PRKN: variants seen among roughly 807,000 people sequenced by gnomAD.
PRKN encodes the protein parkin RBR E3 ubiquitin protein ligase.
In PRKN, 56 loss-of-function variants were observed where a neutral mutation model predicts 59.5. That is an observed-to-expected ratio of 0.94 (90% confidence interval 0.76 to 1.18). The LOEUF is 1.18. PRKN is among the 50% of genes most tolerant of loss of function. PRKN has a pLI of 0.00. For missense variants in PRKN, 657 were observed against 596.4 expected, an observed-to-expected ratio of 1.10 and a Z score of -1.06; for synonymous variants, 250 against 222.1, an observed-to-expected ratio of 1.13 and a Z score of -1.12.
chr6:162,487,198 G>A lies in PRKN; in HGVS notation c.8-43725C>T, dbSNP rs1440645067. Among the ~76,000 whole-genome samples, 5 of 152,198 alleles carry A rather than the reference G, an allele frequency of 3.3e-5. No individual in the cohort carries two copies. The East Asian group carries it at 7.7e-4, about 23-fold the overall frequency. On this transcript the variant is annotated intron_variant, in intron 1 of 11. Transcript: ENST00000366898. Reference sequence around the variant, plus strand: ...TGAACTCTACCTCCTTGACCACCCAGTGTCTAAAGGGTTATTCCTGGGGTC... The same window carrying A: ...TGAACTCTACCTCCTTGACCACCCAATGTCTAAAGGGTTATTCCTGGGGTC...
chr6:162,537,184 C>T (rs369136214), intron 1 of PRKN, among the ~76,000 whole-genome samples: 259 of 152,212 alleles, frequency 1.7e-3, no homozygotes, highest in African/African-American at 6.0e-3. Context: ...GCTTTCAAAA[C>T]TATTAAACAG....
intron 7 of PRKN, among the ~76,000 whole-genome samples, chr6:161,591,695 G>A (rs1272187968): frequency 3.3e-5 from 5 of 152,188 alleles, no homozygotes; most frequent in African/African-American, 1.2e-4. Flanking sequence ...TAATTGAATA[G>A]TGTTATGAAT....
chr6:162,643,488 C>T (rs928411793), intron 1 of PRKN, among the ~76,000 whole-genome samples: 1 of 151,238 alleles, frequency 6.6e-6, no homozygotes, highest in Admixed American at 6.6e-5. Flanking sequence ...TTTAAATTTA[C>T]CTAGAAATTA....
intron 2 of PRKN, among the ~76,000 whole-genome samples, chr6:162,411,039 T>TA (rs1788331299): frequency 6.6e-6 from 1 of 152,222 alleles, no homozygotes; most frequent in Admixed American, 6.5e-5. Context: ...AACATATTCA[T>TA]ATAGTCCTTT....
At position 161,372,763 on chromosome 6, in the gene PRKN, C is replaced by T. The variant is rs563087859; in HGVS notation, c.1168-12558G>A. On this transcript the variant is annotated intron_variant, in intron 10 of 11. Coordinates refer to ENST00000366898, the MANE Select transcript of PRKN (RefSeq NM_004562.3). This position sits in a 1 kb window ranked among gnomAD's most constrained non-coding sequence, Gnocchi z 4.2. ...CCGATGTCGCTAGCCTGCAGAGCTT[C>T]GGAGAACTACTGCTCGCAGAAGGTC... Among the ~76,000 whole-genome samples, 1 of 151,584 alleles carries T rather than the reference C, an allele frequency of 6.6e-6. No homozygotes were observed. The highest frequency in any genetic ancestry group is 2.4e-5 in the African/African-American group (1 of 41,294).
intron 4 of PRKN, among the ~76,000 whole-genome samples, chr6:162,161,697 C>G (rs1158940884): frequency 6.6e-6 from 1 of 152,118 alleles, no homozygotes; most frequent in Non-Finnish European, 1.5e-5. Flanking sequence ...GCAGATAATC[C>G]TCCTTCTGAC....
intron 2 of PRKN, among the ~76,000 whole-genome samples, chr6:162,420,701 G>A (rs1788917272): frequency 1.3e-5 from 2 of 152,172 alleles, no homozygotes; most frequent in Admixed American, 1.3e-4. Context: ...GATGAATGAA[G>A]GACTTGTAGC....
chr6:162,010,533 ATATAATG>A (rs1395955094), intron 5 of PRKN, among the ~76,000 whole-genome samples: 3 of 25,262 alleles, frequency 1.2e-4, no homozygotes, highest in African/African-American at 9.8e-4. Flanking sequence ...ATAATATATT[ATATAATG>A]TATTATATTA....
In PRKN at chr6:161,603,133, G is replaced by A. The variant is rs575531031; in HGVS notation, c.872-33717C>T. On this transcript the variant is annotated intron_variant, in intron 7 of 11. Coordinates refer to ENST00000366898, the MANE Select transcript of PRKN (RefSeq NM_004562.3). ...CACATTCATAAGCGTAGCAGCAACAGTGCTAAATTGCCGATTTTTTTTTGG... is the reference window on the plus strand; with the variant it reads ...CACATTCATAAGCGTAGCAGCAACAATGCTAAATTGCCGATTTTTTTTTGG... Among the ~76,000 whole-genome samples, 4 of 152,292 alleles carry A rather than the reference G, an allele frequency of 2.6e-5. No individual in the cohort carries two copies. In the South Asian group the frequency reaches 6.2e-4, roughly 24 times the overall value.
At chr6:161,814,386 T>TAA (rs1791681811) in intron 6 of PRKN, among the ~76,000 whole-genome samples, 1 of 152,218 alleles carries the variant, frequency 6.6e-6, no homozygotes, top group Non-Finnish European at 1.5e-5. Context: ...ATGTTGCTAA[T>TAA]AAAGACTCAC....
At chr6:161,943,273 C>T (rs1583382369) in intron 6 of PRKN, among the ~76,000 whole-genome samples, 1 of 151,904 alleles carries the variant, frequency 6.6e-6, no homozygotes, top group South Asian at 2.1e-4. Flanking sequence ...TCAAATAAGA[C>T]AAAAAAAATT....
At chr6:161,892,329 A>T (rs1795372785) in intron 6 of PRKN, among the ~76,000 whole-genome samples, 1 of 151,666 alleles carries the variant, frequency 6.6e-6, no homozygotes, top group Admixed American at 6.6e-5. Context: ...ACTTAGAGAG[A>T]CCAAAGCAAG....
At chr6:161,738,490 C>T (rs1014397596) in intron 7 of PRKN, among the ~76,000 whole-genome samples, 10 of 152,176 alleles carry the variant, frequency 6.6e-5, no homozygotes, top group Non-Finnish European at 1.0e-4. Context: ...AGTAACATGA[C>T]ATTATTGTCT....
intron 2 of PRKN, among the ~76,000 whole-genome samples, chr6:162,385,276 A>T (rs1266700523): frequency 1.3e-5 from 2 of 152,172 alleles, no homozygotes; most frequent in Admixed American, 6.6e-5. Flanking sequence ...CACACCAGTT[A>T]TCTGCAACCC....
At chr6:162,160,441 G>A (rs543952688) in intron 4 of PRKN, among the ~76,000 whole-genome samples, 11 of 152,204 alleles carry the variant, frequency 7.2e-5, no homozygotes, top group African/African-American at 2.4e-4. Flanking sequence ...AATGGCAGTC[G>A]GAGACTTTCC....
chr6:162,246,015 T>C (rs778906382), intron 3 of PRKN, among the ~76,000 whole-genome samples: 59 of 152,306 alleles, frequency 3.9e-4, no homozygotes, highest in Non-Finnish European at 6.3e-4. Flanking sequence ...TTTTGACGCA[T>C]GACTGAAGTT....
At chr6:162,599,546 C>T (rs757578742) in intron 1 of PRKN, among the ~76,000 whole-genome samples, 91 of 152,142 alleles carry the variant, frequency 6.0e-4, no homozygotes, top group Non-Finnish European at 1.2e-3. Context: ...CCAAATAATA[C>T]GCCCGGCAGA....
chr6:161,966,832 T>C (rs1052303713), intron 6 of PRKN, among the ~76,000 whole-genome samples: 11 of 152,184 alleles, frequency 7.2e-5, no homozygotes, highest in Non-Finnish European at 1.5e-4. Flanking sequence ...ATATTTTGTT[T>C]GTTTGTTTGT....
At chr6:162,569,960 A>G (rs1780249108) in intron 1 of PRKN, among the ~76,000 whole-genome samples, 1 of 152,200 alleles carries the variant, frequency 6.6e-6, no homozygotes, top group South Asian at 2.1e-4. Context: ...AACCTCAGCT[A>G]GCCCTGAAAA....
Sources: allele counts gnomAD v4.1 joint callset (sites outside exome capture counted in the v4.1 genomes callset), GRCh38; gene constraint gnomAD v4.1.1; non-coding constraint Gnocchi (gnomAD v3.1); transcripts MANE v1.5; gene names NCBI Gene and HGNC (gene_info 2026-07-23, HGNC 2026-07-21).